The following POU2F2 variants were observed in gnomAD, a reference collection of about 807,000 sequenced individuals.
POU2F2 encodes the protein POU class 2 homeobox 2, also known as POU domain, class 2, transcription factor 2.
Under a neutral mutation model 63.5 loss-of-function variants are expected in POU2F2, and 14 were observed. The ratio of observed to expected loss-of-function variants is 0.22; its 90% CI spans 0.15 to 0.34. POU2F2 has a LOEUF of 0.34. Ranked by LOEUF, POU2F2 falls within the 10% of genes least tolerant of loss-of-function variation. POU2F2 has a pLI of 1.00. For synonymous variants in POU2F2, 306 were observed against 348.6 expected (o/e 0.88, Z 1.36); for missense variants, 607 against 815.2 (o/e 0.74, Z 3.11).
chr19:42,177,522 C>T (rs1369245452), upstream of POU2F2, among the ~76,000 whole-genome samples: 1 of 151,568 alleles, frequency 6.6e-6, no homozygotes, highest in Non-Finnish European at 1.5e-5. Context: ...CAGAGAGACA[C>T]AGAGACGGAG....
At chr19:42,148,711 C>T (rs1029333505) in intron 2 of POU2F2, among the ~76,000 whole-genome samples, 1 of 152,122 alleles carries the variant, frequency 6.6e-6, no homozygotes, top group Non-Finnish European at 1.5e-5. Flanking sequence ...CTGTGCCTCC[C>T]ACTCAGGACT....
chr19:42,149,019 T>C (rs1376531185), intron 2 of POU2F2, among the ~76,000 whole-genome samples: 1 of 151,024 alleles, frequency 6.6e-6, no homozygotes, highest in East Asian at 2.0e-4. Context: ...CAAGCCACCA[T>C]GAGAAGGAGA....
At chr19:42,167,617 A>G (rs1267192400) in intron 1 of POU2F2, among the ~76,000 whole-genome samples, 3 of 152,236 alleles carry the variant, frequency 2.0e-5, no homozygotes, top group Non-Finnish European at 2.9e-5. Flanking sequence ...GAATGGCTTG[A>G]GCTTCCAGAG....
chr19:42,195,174 G>T (rs1370618170), intron 1 of POU2F2, among the ~76,000 whole-genome samples: 1 of 149,636 alleles, frequency 6.7e-6, no homozygotes, highest in African/African-American at 2.5e-5. Flanking sequence ...GAGGGGGAAT[G>T]GAGGGAGGGA....
At chr19:42,166,714 C>T (rs778547156) in intron 1 of POU2F2, among the ~76,000 whole-genome samples, 10 of 151,840 alleles carry the variant, frequency 6.6e-5, no homozygotes, top group Non-Finnish European at 1.5e-4. Context: ...GATGAGGGTG[C>T]AGGATGGGAG....
At chr19:42,150,719 T>TA (rs1328113161) in intron 2 of POU2F2, among the ~76,000 whole-genome samples, 1 of 152,070 alleles carries the variant, frequency 6.6e-6, no homozygotes, top group African/African-American at 2.4e-5. Context: ...TTCTTATATA[T>TA]TTTTCCCCCA....
chr19:42,179,336 G>C (rs952282282), upstream of POU2F2, among the ~76,000 whole-genome samples: 16 of 152,264 alleles, frequency 1.1e-4, no homozygotes, highest in Admixed American at 5.9e-4. Flanking sequence ...ATGGCTTGGA[G>C]ACAGGGAGGA....
chr19:42,133,104 T>G (rs2033875339), upstream of POU2F2: 1 of 152,224 alleles, frequency 6.6e-6, no homozygotes, highest in Admixed American at 6.5e-5. This position sits in a 1 kb window ranked among gnomAD's most constrained non-coding sequence, Gnocchi z 5.1. Context: ...GGTCGGGGAC[T>G]TGGCCTGGGG....
At chr19:42,107,520 T>C (rs2030307013) in intron 5 of POU2F2, among the ~76,000 whole-genome samples, 1 of 152,186 alleles carries the variant, frequency 6.6e-6, no homozygotes, top group South Asian at 2.1e-4. Flanking sequence ...GAAAACAGTG[T>C]TTTGAGAGAT....
chr19:42,136,621 C>G (rs1568409395), upstream of POU2F2: 1 of 152,290 alleles, frequency 6.6e-6, no homozygotes, highest in Non-Finnish European at 1.5e-5. Flanking sequence ...CCAAGTCACA[C>G]AGCATGAGTG....
At chr19:42,094,278 T>C (rs552888135) in intron 11 of POU2F2, among the ~76,000 whole-genome samples, 2 of 152,216 alleles carry the variant, frequency 1.3e-5, no homozygotes, top group South Asian at 4.1e-4. Flanking sequence ...ACCAGTGGGG[T>C]TGGCAAGCAA....
chr19:42,132,534 G>T, upstream of POU2F2: 4 of 950,556 alleles, frequency 4.2e-6, no homozygotes, highest in Non-Finnish European at 4.3e-6. Flanking sequence ...GCCCCCTTCA[G>T]AAGGGAAAAT....
rs140483608 is a variant in POU2F2, at chr19:42,146,129, A to T, written c.-9+14203T>A. On this transcript the variant is annotated intron_variant, in intron 2 of 6. Transcript: ENST00000524801. ...TATTAATATTTAGAAGCATTTTCTC[A>T]CTGAATCTTCTCAATACTCTACAAA... Among the ~76,000 whole-genome samples the T allele has an allele frequency of 5.3e-5, 8 of 152,226 alleles. No individual in the cohort carries two copies. In the East Asian group the frequency reaches 1.5e-3, roughly 29 times the overall value.
At chr19:42,094,532 A>G (rs978578001) in intron 11 of POU2F2, among the ~76,000 whole-genome samples, 4 of 152,096 alleles carry the variant, frequency 2.6e-5, no homozygotes, top group African/African-American at 9.7e-5. Context: ...CTCACTGCCC[A>G]TGGTTCAAGT....
At position 42,156,090 on chromosome 19, in the gene POU2F2, G is replaced by A. The variant is rs781412242; in HGVS notation, c.-9+4242C>T. 6.6e-6 allele frequency: 1 copy of A among 152,146 alleles called. No individual in the cohort carries two copies. The highest frequency in any genetic ancestry group is 1.5e-5 in the Non-Finnish European group (1 of 68,030). 9.4% of individuals were successfully genotyped at this position (152,146 alleles called of 1,614,324 possible). A position where few individuals can be genotyped will look rare whatever the true frequency, so the allele number is the denominator to read the frequency against. Reference sequence around the variant, plus strand: ...TACCAGCCCTCACCAGTGCTTCGAAGAGCCCTGAGGAACGTCTCTCTATTT... The same window carrying A: ...TACCAGCCCTCACCAGTGCTTCGAAAAGCCCTGAGGAACGTCTCTCTATTT... On this transcript the variant is annotated intron_variant, in intron 2 of 6. Coordinates refer to the POU2F2 transcript ENST00000524801. The surrounding 1 kb of genome is among the most constrained non-coding windows in gnomAD (Gnocchi z 4.1).
intron 5 of POU2F2, among the ~76,000 whole-genome samples, chr19:42,108,738 G>C (rs1012664353): frequency 1.3e-5 from 2 of 152,196 alleles, no homozygotes; most frequent in African/African-American, 2.4e-5. Context: ...GGCGTGTTAC[G>C]TCCGAGTCAG....
rs1430781571 is a variant in POU2F2 at position 42,153,600 on chromosome 19, CTA to C, written c.-9+6730_-9+6731del. On this transcript the variant is annotated intron_variant, in intron 2 of 6. Transcript: ENST00000524801. The surrounding 1 kb of genome is among the most constrained non-coding windows in gnomAD (Gnocchi z 5.6). ...GCTTCAGGGATCTGCGCGGTGGTCT[CTA>C]TGTGTACTGGAAGCAGGTTCTCCTC... is the stretch of plus-strand genomic sequence containing the variant. Among the ~76,000 whole-genome samples, 1 of 152,026 alleles carries C rather than the reference CTA, an allele frequency of 6.6e-6. No homozygotes were observed. The highest frequency in any genetic ancestry group is 1.5e-5 in the Non-Finnish European group (1 of 68,000).
chr19:42,175,261 G>A (rs1289540457), intron 1 of POU2F2, among the ~76,000 whole-genome samples: 2 of 152,170 alleles, frequency 1.3e-5, no homozygotes, highest in African/African-American at 4.8e-5. Flanking sequence ...CCCACTCAGG[G>A]TAAAAAAGAG....
rs1410814063 is a variant in POU2F2, at chr19:42,156,413, CTCACA to C, written c.-9+3914_-9+3918del. 6.5e-6 allele frequency: 1 copy of C among 152,810 alleles called. No individual in the cohort carries two copies. Among genetic ancestry groups the C allele is most frequent in the African/African-American group, 2.4e-5 (1 of 41,430 alleles). The allele number at this position is 152,810 out of a possible 1,614,324, so 9.5% of individuals were successfully genotyped here. A position where few individuals can be genotyped will look rare whatever the true frequency, so the allele number is the denominator to read the frequency against. On this transcript the variant is annotated intron_variant, in intron 2 of 6. Transcript: ENST00000524801. The surrounding 1 kb of genome is among the most constrained non-coding windows in gnomAD (Gnocchi z 4.1). The stretch of plus-strand genomic sequence containing the variant: ...AGCACCCCAGAATGCTAAACAGACC[CTCACA>C]TCTGGACTCCACATCCAGCGAGGAG...
Sources: allele counts gnomAD v4.1 joint callset (sites outside exome capture counted in the v4.1 genomes callset), GRCh38; gene constraint gnomAD v4.1.1; non-coding constraint Gnocchi (gnomAD v3.1); transcripts MANE v1.5; gene names NCBI Gene and HGNC (gene_info 2026-07-23, HGNC 2026-07-21).